Variants in VAV2 observed in about 807,000 individuals in gnomAD.
VAV2 encodes the protein guanine nucleotide exchange factor VAV2.
Under a neutral mutation model 132.5 loss-of-function variants are expected in VAV2, and 67 were observed. The ratio of observed to expected loss-of-function variants is 0.51; its 90% confidence interval spans 0.42 to 0.62. VAV2 has a LOEUF of 0.62. Among genes scored for constraint, VAV2 ranks in the 20% least tolerant of loss-of-function variants. The pLI, the probability that VAV2 is intolerant of heterozygous loss-of-function variation, is 0.00. For missense variants in VAV2, 938 were observed against 1,153.6 expected, an observed-to-expected ratio of 0.81 and a Z score of 2.71; for synonymous variants, 492 against 443.5, an observed-to-expected ratio of 1.11 and a Z score of -1.37.
Position 133,935,461 on chromosome 9 carries a change from T to A in VAV2, c.321+3642A>T, listed in dbSNP as rs774073769. On this transcript the variant is annotated intron_variant, in intron 2 of 29. Coordinates refer to ENST00000371850, the MANE Select transcript of VAV2 (RefSeq NM_001134398.2). This position sits in a 1 kb window ranked among gnomAD's most constrained non-coding sequence, Gnocchi z 5.2. ...CAGCCTCGGCAAGTCCCCTCCCTGCTCTGACCCTTCCTCCCCTCTGTCCAC... is the reference window on the plus strand; with the variant it reads ...CAGCCTCGGCAAGTCCCCTCCCTGCACTGACCCTTCCTCCCCTCTGTCCAC... Among the ~76,000 whole-genome samples the A allele has an allele frequency of 3.9e-5, 6 of 152,086 alleles. No individual in the cohort carries two copies. Among genetic ancestry groups the A allele is most frequent in the Non-Finnish European group, 7.4e-5 (5 of 68,002 alleles).
intron 6 of VAV2, 42 bp downstream of exon 6, chr9:133,810,149 C>A (rs752860336): frequency 1.2e-6 from 2 of 1,612,100 alleles, no homozygotes; most frequent in South Asian, 2.2e-5. Flanking sequence ...AAGAAGACGG[C>A]GCAGGCAGGA....
chr9:133,774,660 C>T (rs1260565522), intron 25 of VAV2, among the ~76,000 whole-genome samples: 2 of 152,192 alleles, frequency 1.3e-5, no homozygotes, highest in African/African-American at 4.8e-5. Flanking sequence ...TATCTGGTTC[C>T]CATGACCCAG....
intron 1 of VAV2, among the ~76,000 whole-genome samples, chr9:133,989,519 C>CAAA (rs766612017): frequency 1.3e-5 from 1 of 75,792 alleles, no homozygotes; most frequent in African/African-American, 5.0e-5. Flanking sequence ...GACTCTATCT[C>CAAA]AAAAAAAAAA....
In VAV2 at chr9:133,784,368, A is replaced by G; in HGVS notation, c.1583T>C (p.Met528Thr). Residue 528 changes from methionine (M) to threonine (T), a missense_variant, in exon 18 of 30, where the codon ATG (methionine) becomes ACG (threonine). Met to Thr is a moderately conservative substitution (Grantham distance 81). Coordinates refer to ENST00000371850, the MANE Select transcript of VAV2 (RefSeq NM_001134398.2). ...GTTGGTGGTCTTGTCAAACGTGTAC[A>G]TCTGGAAACTGTGGTGGTTGGCATT... ...KANANHHSFQMYTFDKTTNCK... is the reference protein window; with the variant it reads ...KANANHHSFQTYTFDKTTNCK... 6.2e-7 allele frequency: 1 copy of G among 1,614,236 alleles called. No individual in the cohort carries two copies. Among genetic ancestry groups the G allele is most frequent in the Non-Finnish European group, 8.5e-7 (1 of 1,180,036 alleles).
rs541955103 is a variant in VAV2, at chr9:133,908,543, C to G, written c.321+30560G>C. ...GACCACCCCAACCTGGTGTCCACCC[C>G]CAGCCCATCCTAGGCCCCCACAGCA... On this transcript the variant is annotated intron_variant, in intron 2 of 29. Coordinates refer to ENST00000371850, the MANE Select transcript of VAV2 (RefSeq NM_001134398.2). Among the ~76,000 whole-genome samples the G allele has an allele frequency of 5.5e-4, 83 of 152,152 alleles. 1 individual carries two copies. The highest frequency in any genetic ancestry group is 1.8e-3 in the African/African-American group (76 of 41,528).
At chr9:133,787,715 A>G (rs1426678776) in intron 15 of VAV2, among the ~76,000 whole-genome samples, 1 of 147,730 alleles carries the variant, frequency 6.8e-6, no homozygotes, top group Non-Finnish European at 1.5e-5. Flanking sequence ...CAATAGCCCT[A>G]TAGCCATGGT....
intron 1 of VAV2, among the ~76,000 whole-genome samples, chr9:133,953,117 A>G (rs1841623686): frequency 6.6e-6 from 1 of 152,058 alleles, no homozygotes; most frequent in African/African-American, 2.4e-5. Context: ...CAACATCTAG[A>G]ACCTCCAGAG....
chr9:133,881,218 AGCCATGGGCTCCAG>A (rs1838482195), intron 2 of VAV2, among the ~76,000 whole-genome samples: 1 of 152,224 alleles, frequency 6.6e-6, no homozygotes, highest in Non-Finnish European at 1.5e-5. Context: ...GCTGCCTTGG[AGCCATGGGCTCCAG>A]ACACAGAGAG....
chr9:133,777,556 C>T (rs56327511), intron 22 of VAV2, 93 bp from the exon 23 acceptor site: 64,616 of 1,257,844 alleles, frequency 0.051, 2,100 homozygotes, highest in Non-Finnish European at 0.063. Flanking sequence ...ATGCCAATCC[C>T]GCTCCTGGAG....
intron 3 of VAV2, among the ~76,000 whole-genome samples, chr9:133,844,426 T>A (rs1341458728): frequency 1.3e-5 from 2 of 152,060 alleles, no homozygotes; most frequent in African/African-American, 4.8e-5. Context: ...GGACAAACAC[T>A]TAGGATTTGT....
At chr9:133,836,659 C>G (rs921241492) in intron 3 of VAV2, among the ~76,000 whole-genome samples, 1 of 152,176 alleles carries the variant, frequency 6.6e-6, no homozygotes, top group African/African-American at 2.4e-5. Flanking sequence ...TGATCTTGTT[C>G]AAATCTGATC....
chr9:133,885,539 C>T lies in VAV2; in HGVS notation c.322-24107G>A, dbSNP rs552928154. On this transcript the variant is annotated intron_variant, in intron 2 of 29. Coordinates refer to ENST00000371850, the MANE Select transcript of VAV2 (RefSeq NM_001134398.2). This position sits in a 1 kb window ranked among gnomAD's most constrained non-coding sequence, Gnocchi z 5.0. ...ACTAATAATGGTGCACCGCCAGGAG[C>T]GTGCAATGCCATTCAGATTTTACAC... is the stretch of plus-strand genomic sequence containing the variant. Among the ~76,000 whole-genome samples the T allele has an allele frequency of 8.5e-5, 13 of 152,328 alleles. No homozygotes were observed. In the East Asian group the frequency reaches 2.1e-3, roughly 25 times the overall value.
chr9:133,964,022 C>CATAT (rs10541639), intron 1 of VAV2, among the ~76,000 whole-genome samples: 10,762 of 93,464 alleles, frequency 0.12, 776 homozygotes, highest in East Asian at 0.16. Flanking sequence ...ATTATTCATT[C>CATAT]ATATATATAT....
In VAV2 at chr9:133,788,425, G is replaced by A. The variant is rs1402193576; in HGVS notation, c.1336C>T (p.Leu446Phe). 4 of 1,612,578 alleles carry A rather than the reference G, an allele frequency of 2.5e-6. No homozygotes were observed. In the Admixed American group the frequency reaches 6.7e-5, roughly 27 times the overall value. The change falls in exon 15 of 30, where the codon CTC (leucine) becomes TTC (phenylalanine). Residue 446 changes from leucine (L) to phenylalanine (F), a missense_variant. By Grantham distance (22) the Leu-to-Phe change is conservative. Coordinates refer to ENST00000371850, the MANE Select transcript of VAV2 (RefSeq NM_001134398.2). The surrounding 1 kb of genome is among the most constrained non-coding windows in gnomAD (Gnocchi z 5.3). ...AACAGCAGCTCGATGATCTCCTTGA[G>A]CTCGTAGCTGTAGCCCTTCCGCTTG... Reference protein sequence around the residue: ...VCKRKGYSYELKEIIELLFHK... With the variant: ...VCKRKGYSYEFKEIIELLFHK...
intron 29 of VAV2, among the ~76,000 whole-genome samples, chr9:133,767,540 A>T (rs622035): frequency 2.6e-5 from 4 of 152,142 alleles, no homozygotes; most frequent in South Asian, 4.2e-4. Flanking sequence ...CAATCACACA[A>T]GGACCACTTT....
chr9:133,831,444 GAA>G (rs369877382), intron 4 of VAV2, among the ~76,000 whole-genome samples: 2,095 of 138,504 alleles, frequency 0.015, 52 homozygotes, highest in Admixed American at 0.061. Flanking sequence ...CTCAAAAAAA[GAA>G]AAAAAAAAAA....
In VAV2 at chr9:133,969,295, C is replaced by T. The variant is rs1004903139; in HGVS notation, c.204+22780G>A. 9.2e-5 allele frequency among the ~76,000 whole-genome samples: 14 copies of T among 152,264 alleles called. No individual in the cohort carries two copies. The highest frequency in any genetic ancestry group is 3.1e-4 in the African/African-American group (13 of 41,552). ...GCTGCTGGCATGGTAGAGAATACAA[C>T]GAACAGGGAAGGAGGGAGGATCTGG... is the stretch of plus-strand genomic sequence containing the variant. On this transcript the variant is annotated intron_variant, in intron 1 of 29. Transcript: ENST00000371850. This position sits in a 1 kb window ranked among gnomAD's most constrained non-coding sequence, Gnocchi z 5.1.
chr9:133,886,947 A>G (rs1196821363), intron 2 of VAV2, among the ~76,000 whole-genome samples: 2 of 152,182 alleles, frequency 1.3e-5, no homozygotes, highest in Non-Finnish European at 2.9e-5. Context: ...GCGGCCCTTC[A>G]GGCAGGACTT....
intron 1 of VAV2, among the ~76,000 whole-genome samples, chr9:133,955,403 C>T (rs1324853578): frequency 7.1e-6 from 1 of 141,472 alleles, no homozygotes. Flanking sequence ...CCTCCCCACT[C>T]CCCACACTCC....
Sources: allele counts gnomAD v4.1 joint callset (sites outside exome capture counted in the v4.1 genomes callset), GRCh38; gene constraint gnomAD v4.1.1; non-coding constraint Gnocchi (gnomAD v3.1); transcripts MANE v1.5; gene names NCBI Gene and HGNC (gene_info 2026-07-23, HGNC 2026-07-21).